Variants in DKC1 observed in about 807,000 individuals in gnomAD.
DKC1 encodes the protein dyskerin pseudouridine synthase 1, also known as H/ACA ribonucleoprotein complex subunit DKC1.
In DKC1, 4 loss-of-function variants were observed where a neutral mutation model predicts 46.7. The ratio of observed to expected loss-of-function variants is 0.09; its 90% CI spans 0.04 to 0.20. The LOEUF (loss-of-function observed/expected upper bound fraction) is 0.20. DKC1 is among the 10% of genes least tolerant of loss of function. DKC1 has a pLI of 1.00. For missense variants in DKC1, 171 were observed against 404.2 expected (o/e 0.42, Z 4.95); for synonymous variants, 141 against 142.4 (o/e 0.99, Z 0.07).
intron 7 of DKC1, among the ~76,000 whole-genome samples, chrX:154,767,683 A>G (rs1180913517): frequency 9.0e-6 from 1 of 111,181 alleles, no homozygotes; most frequent in Non-Finnish European, 1.9e-5. Context: ...TATGTTTTGC[A>G]TGTGTTTTTT....
chrX:154,768,993 CAAAAAAAAAAAA>C lies in DKC1; in HGVS notation c.772-159_772-148del, dbSNP rs1158256142. ...TGGGCGACAGAGCGAGACTCCGTCT[CAAAAAAAAAAAA>C]AAAAAAAAAAAAAAGATGCCTGGAA... On this transcript the variant is annotated intron_variant, in intron 8 of 14. Transcript: ENST00000369550. 1.2e-3 allele frequency among the ~76,000 whole-genome samples: 20 copies of C among 16,338 alleles called. No individual in the cohort carries two copies. The South Asian group carries it at 0.036, about 29-fold the overall frequency. The allele number at this position is 16,338 out of a possible 115,157, so 14.2% of individuals were successfully genotyped here.
intron 13 of DKC1, among the ~76,000 whole-genome samples, chrX:154,775,650 G>C (rs781996958): frequency 5.3e-5 from 6 of 112,196 alleles, no homozygotes; most frequent in African/African-American, 9.7e-5. Context: ...ATGGCTGTTG[G>C]ACATTCGAGG....
rs2148509505 is a variant in DKC1 at position 154,765,518 on chromosome X, C to T, written c.159C>T (p.Pro53=). 3.3e-6 allele frequency: 4 copies of T among 1,198,252 alleles called. No homozygotes were observed. The highest frequency in any genetic ancestry group is 4.5e-6 in the Non-Finnish European group (4 of 883,145). ...KVAKLDTSQW[P]LLLKNFDKLN... Reference sequence around the variant, plus strand: ...CTAAGTTGGACACGTCTCAGTGGCCCCTTTTGCTAAAGGTATGTGGTTAAA... The same window carrying T: ...CTAAGTTGGACACGTCTCAGTGGCCTCTTTTGCTAAAGGTATGTGGTTAAA... Residue 53 remains proline, a synonymous_variant, in exon 3 of 15, where the codon CCC becomes CCT. Transcript: ENST00000369550.
rs2071900741 is a variant in DKC1, at chrX:154,776,661, C to T, written c.1477-138C>T. The T allele has an allele frequency of 1.9e-5, 12 of 641,675 alleles. No homozygotes were observed. The East Asian group carries it at 4.0e-4, about 21-fold the overall frequency. The allele number at this position is 641,675 out of a possible 1,213,427, so 52.9% of individuals were successfully genotyped here. ...GGTTTACAGAACTTTGTGTCACATG[C>T]AGCATTTAACCCAAAATATCCTTAC... On this transcript the variant is annotated intron_variant, in intron 14 of 14. Coordinates refer to ENST00000369550, the MANE Select transcript of DKC1 (RefSeq NM_001363.5).
intron 7 of DKC1, among the ~76,000 whole-genome samples, chrX:154,767,644 T>C (rs963947436): frequency 2.7e-5 from 3 of 111,702 alleles, no homozygotes; most frequent in Non-Finnish European, 1.9e-5. Context: ...GTTCGGTGCT[T>C]TGTTCAAAGG....
intron 11 of DKC1, among the ~76,000 whole-genome samples, chrX:154,773,976 G>A (rs1404899410): frequency 8.9e-6 from 1 of 111,813 alleles, no homozygotes; most frequent in African/African-American, 3.3e-5. Flanking sequence ...GCTCCTGCCA[G>A]GTTCTTTTGT....
intron 3 of DKC1, 40 bp from the exon 4 acceptor site, chrX:154,765,867 G>A (rs1557264092): frequency 3.8e-6 from 4 of 1,047,419 alleles, no homozygotes; most frequent in Admixed American, 4.4e-5. Context: ...ATGTGCTCAC[G>A]ACATGGTATT....
intron 7 of DKC1, chrX:154,768,038 G>A (rs1480383890): frequency 3.1e-6 from 1 of 323,297 alleles, no homozygotes; most frequent in Non-Finnish European, 5.5e-6. Context: ...ATTTAGTAGA[G>A]ACGGGGTTTC....
intron 9 of DKC1, 34 bp from the exon 10 acceptor site, chrX:154,770,725 G>A: frequency 8.3e-7 from 1 of 1,209,811 alleles, no homozygotes; most frequent in Non-Finnish European, 1.1e-6. Flanking sequence ...GAGGGCAGCA[G>A]CTGGGCCCCT....
At chrX:154,775,727 A>G (rs1170724616) in intron 13 of DKC1, among the ~76,000 whole-genome samples, 1 of 112,370 alleles carries the variant, frequency 8.9e-6, no homozygotes, top group African/African-American at 3.2e-5. Context: ...TGAAAGAGTC[A>G]GTCAAGCATG....
intron 5 of DKC1, among the ~76,000 whole-genome samples, 189 bp from the exon 6 acceptor site, chrX:154,766,808 A>G (rs1172691541): frequency 8.9e-6 from 1 of 112,258 alleles, no homozygotes; most frequent in Non-Finnish European, 1.9e-5. Context: ...TTGAATTCCC[A>G]GTGAGAAAGT....
intron 12 of DKC1, 96 bp from the exon 13 acceptor site, chrX:154,775,099 A>C (rs782765040): frequency 3.6e-5 from 30 of 833,417 alleles, no homozygotes; most frequent in Non-Finnish European, 5.4e-5. Context: ...CAGTATTTTG[A>C]TGGTGGCTTT....
At position 154,769,175 on chromosome X, in the gene DKC1, G is replaced by A. The variant is rs1557264637; in HGVS notation, c.780G>A (p.Met260Ile). 8.3e-7 allele frequency: 1 copy of A among 1,210,703 alleles called. No individual in the cohort carries two copies. The highest frequency in any genetic ancestry group is 1.1e-6 in the Non-Finnish European group (1 of 895,053). The change falls in exon 9 of 15, where the codon ATG (methionine) becomes ATA (isoleucine). Residue 260 changes from methionine (M) to isoleucine (I), a missense_variant. By Grantham distance (10) the Met-to-Ile change is conservative (BLOSUM62 1). This residue lies in a region of DKC1 where 60 missense variants were observed against 206.5 expected (regional missense o/e 0.29). Coordinates refer to ENST00000369550, the MANE Select transcript of DKC1 (RefSeq NM_001363.5). ...ACATGGCTGCTTTTCAGGACCACAT[G>A]GTGACAATGCATGATGTGCTTGATG... Reference protein sequence around the residue: ...RSGVMSEKDHMVTMHDVLDAQ... With the variant: ...RSGVMSEKDHIVTMHDVLDAQ...
intron 10 of DKC1, among the ~76,000 whole-genome samples, 181 bp downstream of exon 10, chrX:154,771,060 TGTTA>T (rs1456709622): frequency 1.8e-5 from 2 of 111,529 alleles, no homozygotes; most frequent in Non-Finnish European, 3.8e-5. Context: ...CCTATTTTAC[TGTTA>T]GTTATTTATC....
chrX:154,773,284 C>CTTTTTTTT, intron 11 of DKC1, 35 bp downstream of exon 11: 1 of 350,612 alleles, frequency 2.9e-6, no homozygotes, highest in Admixed American at 6.1e-5. Flanking sequence ...CTGCCAGGTT[C>CTTTTTTTT]TTTTTTTTTT....
chrX:154,769,423 G>A, intron 9 of DKC1, 113 bp downstream of exon 9: 1 of 876,746 alleles, frequency 1.1e-6, no homozygotes, highest in Non-Finnish European at 1.6e-6. Flanking sequence ...TCCAAACCAA[G>A]TATATTAATT....
At chrX:154,767,797 C>G (rs781815946) in intron 7 of DKC1, among the ~76,000 whole-genome samples, 2 of 109,503 alleles carry the variant, frequency 1.8e-5, no homozygotes, top group Admixed American at 9.7e-5. Flanking sequence ...CTGAATATAC[C>G]TGCAACTTAA....
rs1466942555 is a variant in DKC1 at position 154,767,261 on chromosome X, A to G, written c.519A>G (p.Leu173=). ...TCATTTGTGTTTGTTCTTAGGCCCT[A>G]GAAACTCTGACAGGTGCCTTATTCC... The part of the protein sequence containing the change: ...IEGGTQLSRA[L]ETLTGALFQR... Residue 173 remains leucine (L), a synonymous_variant, in exon 7 of 15, where the codon CTA becomes CTG. Transcript: ENST00000369550. 1.7e-6 allele frequency: 2 copies of G among 1,210,136 alleles called. No homozygotes were observed. The highest frequency in any genetic ancestry group is 3.5e-5 in the African/African-American group (2 of 57,155).
At chrX:154,765,651 C>A in intron 3 of DKC1, 121 bp downstream of exon 3, 1 of 642,088 alleles carries the variant, frequency 1.6e-6, no homozygotes, top group Non-Finnish European at 2.6e-6. Context: ...CCCACTGATA[C>A]AGTTTAAAGC....
Sources: allele counts gnomAD v4.1 joint callset (sites outside exome capture counted in the v4.1 genomes callset), GRCh38; gene constraint gnomAD v4.1.1; regional missense constraint gnomAD v4.1.1; transcripts MANE v1.5; gene names NCBI Gene and HGNC (gene_info 2026-07-23, HGNC 2026-07-21).